Variants in OR2A14 observed in about 807,000 individuals in gnomAD.
The protein encoded by OR2A14 is olfactory receptor 2A14.
Under a neutral mutation model 2.4 loss-of-function variants are expected in OR2A14, and 2 were observed. That is an observed-to-expected ratio of 0.85 (90% CI 0.35 to 2.67). The LOEUF (loss-of-function observed/expected upper bound fraction) is 2.67. Among genes scored for constraint, OR2A14 ranks in the 30% most tolerant of loss-of-function variants. The pLI is 0.10. For synonymous variants in OR2A14, 160 were observed against 156.3 expected, an observed-to-expected ratio of 1.02 and a Z score of -0.18; for missense variants, 390 against 379.4, an observed-to-expected ratio of 1.03 and a Z score of -0.23.
intron 1 of OR2A14, among the ~76,000 whole-genome samples, chr7:144,124,462 CA>C (rs10664756): frequency 0.099 from 8,383 of 84,818 alleles, 785 homozygotes; most frequent in African/African-American, 0.31. Context: ...AACTCCGTCT[CA>C]AAAAAAAAAA....
At chr7:144,127,409 A>G (rs912615779) in intron 1 of OR2A14, among the ~76,000 whole-genome samples, 1 of 152,234 alleles carries the variant, frequency 6.6e-6, no homozygotes. Flanking sequence ...TAAAAACCTT[A>G]GAAATGTCTG....
Position 144,129,398 on chromosome 7 carries a change from T to C in OR2A14, c.286T>C (p.Cys96Arg), listed in dbSNP as rs751920461. 4.3e-6 allele frequency: 7 copies of C among 1,614,226 alleles called. No individual in the cohort carries two copies. The highest frequency in any genetic ancestry group is 1.3e-5 in the African/African-American group (1 of 75,074). ...GGAAAGCACCATCTCCTTTTTTCCA[T>C]GCATAATGCAGACATTCTTGTATTT... ...NQESTISFFP[C>R]IMQTFLYLAF... Residue 96 changes from cysteine (C) to arginine (R), a missense_variant, in exon 2 of 2, where the codon TGC becomes CGC. By Grantham distance (180) the Cys-to-Arg change is radical. Coordinates refer to ENST00000641068, the MANE Select transcript of OR2A14 (RefSeq NM_001001659.3).
intron 1 of OR2A14, among the ~76,000 whole-genome samples, chr7:144,128,646 C>A (rs2051500722): frequency 6.6e-6 from 1 of 152,194 alleles, no homozygotes; most frequent in African/African-American, 2.4e-5. Context: ...GGGTCCCCGT[C>A]CCTGCACATC....
intron 1 of OR2A14, among the ~76,000 whole-genome samples, chr7:144,123,684 T>A (rs575946700): frequency 2.0e-5 from 3 of 152,316 alleles, no homozygotes; most frequent in African/African-American, 7.2e-5. Flanking sequence ...AGTTTGTAAG[T>A]GGTTTGCTTA....
At chr7:144,125,376 G>A (rs2051474848) in intron 1 of OR2A14, among the ~76,000 whole-genome samples, 1 of 152,102 alleles carries the variant, frequency 6.6e-6, no homozygotes, top group Admixed American at 6.5e-5. Context: ...TAACTGGAGT[G>A]GATGCCTAAA....
At chr7:144,123,554 G>T (rs2961157) in intron 1 of OR2A14, among the ~76,000 whole-genome samples, 1 of 152,104 alleles carries the variant, frequency 6.6e-6, no homozygotes, top group Admixed American at 6.5e-5. Flanking sequence ...CCATAGAAGA[G>T]GATCAGATAA....
chr7:144,128,636 G>C (rs1403052185), intron 1 of OR2A14, among the ~76,000 whole-genome samples: 3 of 152,184 alleles, frequency 2.0e-5, no homozygotes, highest in Non-Finnish European at 2.9e-5. Context: ...GGCAAACAGA[G>C]GGTCCCCGTC....
intron 1 of OR2A14, among the ~76,000 whole-genome samples, chr7:144,124,682 C>T (rs2051469486): frequency 6.6e-6 from 1 of 152,044 alleles, no homozygotes; most frequent in Non-Finnish European, 1.5e-5. Context: ...AAATACGCCC[C>T]CCTTTTCTTT....
rs190155359 is a variant in OR2A14, at chr7:144,123,205, T to C, written c.-94T>C. 5.6e-4 allele frequency: 85 copies of C among 152,322 alleles called. No homozygotes were observed. The highest frequency in any genetic ancestry group is 1.9e-3 in the African/African-American group (78 of 41,558). The allele number at this position is 152,322 out of a possible 1,614,324, so 9.4% of individuals were successfully genotyped here. Reference sequence around the variant, plus strand: ...GTCTATCCATTCTGCCTTTCCTGTCTTTGAGGTTCCTAGCAAGCCCAAGGG... The same window carrying C: ...GTCTATCCATTCTGCCTTTCCTGTCCTTGAGGTTCCTAGCAAGCCCAAGGG... On this transcript the variant is annotated 5_prime_UTR_variant, in exon 1 of 2. Coordinates refer to ENST00000641068, the MANE Select transcript of OR2A14 (RefSeq NM_001001659.3).
intron 1 of OR2A14, among the ~76,000 whole-genome samples, chr7:144,125,025 T>C (rs142265906): frequency 4.0e-4 from 61 of 152,316 alleles, no homozygotes; most frequent in African/African-American, 1.4e-3. Context: ...ACGATCTCTT[T>C]AATATCATTA....
chr7:144,131,183 T>C lies in OR2A14; in HGVS notation c.*1138T>C, dbSNP rs533578391. 2 of 152,306 alleles carry C rather than the reference T, an allele frequency of 1.3e-5. No homozygotes were observed. Among genetic ancestry groups the C allele is most frequent in the African/African-American group, 4.8e-5 (2 of 41,568 alleles). The allele number at this position is 152,306 out of a possible 1,614,324, so 9.4% of individuals were successfully genotyped here. On this transcript the variant is annotated 3_prime_UTR_variant, in exon 2 of 2. Coordinates refer to ENST00000641068, the MANE Select transcript of OR2A14 (RefSeq NM_001001659.3). ...GCCAGTGGACTGTAAATATTCATGGTTTCTCCATCACACAGGAATTAAGAG... is the reference window on the plus strand; with the variant it reads ...GCCAGTGGACTGTAAATATTCATGGCTTCTCCATCACACAGGAATTAAGAG...
chr7:144,129,163 G>C lies in OR2A14; in HGVS notation c.51G>C (p.Gln17His), dbSNP rs1212732071. ...CAGACATCACCTTGCCGCGATTCCA[G>C]GTTGGTCCAGCACTGGAGATTCTCC... ...WITDITLPRF[Q>H]VGPALEILLC... is the part of the protein sequence containing the mutation. Residue 17 changes from glutamine (Q) to histidine (H), a missense_variant, in exon 2 of 2, where the codon CAG (glutamine) becomes CAC (histidine). By Grantham distance (24) the Gln-to-His change is conservative. Transcript: ENST00000641068. 6.2e-7 allele frequency: 1 copy of C among 1,612,524 alleles called. No individual in the cohort carries two copies. The highest frequency in any genetic ancestry group is 1.7e-5 in the Admixed American group (1 of 59,978).
chr7:144,128,841 G>C (rs1433159666), intron 1 of OR2A14, among the ~76,000 whole-genome samples: 1 of 152,082 alleles, frequency 6.6e-6, no homozygotes, highest in Non-Finnish European at 1.5e-5. Context: ...TATTATAATA[G>C]ATCCTGTTTT....
At chr7:144,124,476 A>T (rs531744633) in intron 1 of OR2A14, among the ~76,000 whole-genome samples, 3 of 151,690 alleles carry the variant, frequency 2.0e-5, no homozygotes, top group African/African-American at 7.2e-5. Flanking sequence ...AAAAAAAAAA[A>T]AAAAAACTAG....
At position 144,129,844 on chromosome 7, in the gene OR2A14, T is replaced by C. The variant is rs781314215; in HGVS notation, c.732T>C (p.Leu244=). 2 of 1,614,062 alleles carry C rather than the reference T, an allele frequency of 1.2e-6. No individual in the cohort carries two copies. The highest frequency in any genetic ancestry group is 2.7e-5 in the African/African-American group (2 of 74,938). Reference sequence around the variant, plus strand: ...CCTTCTCCACCTGCTCCTCCCACCTTTGCGTGGTGGGACTCTTCTTTGGCA... The same window carrying C: ...CCTTCTCCACCTGCTCCTCCCACCTCTGCGTGGTGGGACTCTTCTTTGGCA... ...RKAFSTCSSH[L]CVVGLFFGSA... The change falls in exon 2 of 2, where the codon CTT becomes CTC. Residue 244 remains leucine (L), a synonymous_variant. Transcript: ENST00000641068.
chr7:144,128,763 A>C (rs2051501922), intron 1 of OR2A14, among the ~76,000 whole-genome samples: 1 of 152,184 alleles, frequency 6.6e-6, no homozygotes, highest in Admixed American at 6.5e-5. Flanking sequence ...TTCACACTGA[A>C]AGGGAAGCAA....
intron 1 of OR2A14, among the ~76,000 whole-genome samples, chr7:144,128,730 TC>T (rs1186342618): frequency 1.3e-5 from 2 of 152,148 alleles, no homozygotes; most frequent in African/African-American, 4.8e-5. Context: ...TCCTCTCTTC[TC>T]AAACTACGTA....
Position 144,129,325 on chromosome 7 carries a change from C to G in OR2A14, c.213C>G (p.Ser71=). 6.2e-7 allele frequency: 1 copy of G among 1,614,164 alleles called. No homozygotes were observed. The highest frequency in any genetic ancestry group is 8.5e-7 in the Non-Finnish European group (1 of 1,180,002). Residue 71 remains serine, a synonymous_variant, in exon 2 of 2, where the codon TCC becomes TCG. Transcript: ENST00000641068. ...FLSHLAIVDI[S]YASNYVPKML... ...CACACCTGGCCATTGTTGACATATC[C>G]TATGCTTCCAACTATGTCCCCAAGA... is the stretch of plus-strand genomic sequence containing the variant.
chr7:144,130,435 T>G lies in OR2A14; in HGVS notation c.*390T>G, dbSNP rs930591125. 2 of 157,212 alleles carry G rather than the reference T, an allele frequency of 1.3e-5. No individual in the cohort carries two copies. Among genetic ancestry groups the G allele is most frequent in the African/African-American group, 4.8e-5 (2 of 41,490 alleles). 9.7% of individuals were successfully genotyped at this position (157,212 alleles called of 1,614,324 possible). ...TGTTCATACAGTACATAGAAAGAACTCCTTTAAATCAGCAATAAAAAATAT... is the reference window on the plus strand; with the variant it reads ...TGTTCATACAGTACATAGAAAGAACGCCTTTAAATCAGCAATAAAAAATAT... On this transcript the variant is annotated 3_prime_UTR_variant, in exon 2 of 2. Coordinates refer to ENST00000641068, the MANE Select transcript of OR2A14 (RefSeq NM_001001659.3).
Sources: allele counts gnomAD v4.1 joint callset (sites outside exome capture counted in the v4.1 genomes callset), GRCh38; gene constraint gnomAD v4.1.1; transcripts MANE v1.5; gene names NCBI Gene and HGNC (gene_info 2026-07-23, HGNC 2026-07-21).